The following ASAP1 variants were observed in gnomAD, a reference collection of about 807,000 sequenced individuals.
ASAP1 encodes arf-GAP with SH3 domain, ANK repeat and PH domain-containing protein 1.
Under a neutral mutation model 145.2 loss-of-function variants are expected in ASAP1, and 43 were observed. The ratio of observed to expected loss-of-function variants is 0.30; its 90% CI spans 0.23 to 0.38. The LOEUF is 0.38. Among genes scored for constraint, ASAP1 ranks in the 10% least tolerant of loss-of-function variants. ASAP1 has a pLI of 1.00. For missense variants in ASAP1, 1,018 were observed against 1,355.3 expected (o/e 0.75, Z 3.91); for synonymous variants, 546 against 515.5 (o/e 1.06, Z -0.80).
intron 17 of ASAP1, among the ~76,000 whole-genome samples, chr8:130,125,188 A>T (rs1220419137): frequency 6.6e-6 from 1 of 151,966 alleles, no homozygotes; most frequent in Non-Finnish European, 1.5e-5. Context: ...TAAAAATTTC[A>T]CTCTTAGTAC....
At chr8:130,305,881 A>T (rs1169346672) in intron 3 of ASAP1, among the ~76,000 whole-genome samples, 9 of 152,160 alleles carry the variant, frequency 5.9e-5, no homozygotes, top group Non-Finnish European at 2.9e-5. Context: ...TATCTTAAGG[A>T]TTAGTGCCAA....
chr8:130,369,284 T>C (rs562715821), intron 2 of ASAP1, among the ~76,000 whole-genome samples: 3 of 152,220 alleles, frequency 2.0e-5, no homozygotes, highest in Non-Finnish European at 4.4e-5. Context: ...TTATGTTACA[T>C]ATAAACCTTA....
intron 3 of ASAP1, among the ~76,000 whole-genome samples, chr8:130,353,682 C>T (rs1339256642): frequency 6.6e-6 from 1 of 152,122 alleles, no homozygotes; most frequent in Non-Finnish European, 1.5e-5. Flanking sequence ...CCAGCCTGGC[C>T]AACATGATGA....
chr8:130,317,197 G>C (rs369424190), intron 3 of ASAP1, among the ~76,000 whole-genome samples: 1 of 151,748 alleles, frequency 6.6e-6, no homozygotes, highest in African/African-American at 2.4e-5. Context: ...CAAAAGCTGT[G>C]AGTTTCTTCT....
At chr8:130,176,502 C>T (rs1419994644) in intron 9 of ASAP1, among the ~76,000 whole-genome samples, 1 of 152,114 alleles carries the variant, frequency 6.6e-6, no homozygotes, top group African/African-American at 2.4e-5. Flanking sequence ...TCTCTCCCTA[C>T]AAGGTTTTTA....
At chr8:130,085,750 A>AAAAAAAAAG (rs2097491499) in intron 25 of ASAP1, among the ~76,000 whole-genome samples, 1 of 151,614 alleles carries the variant, frequency 6.6e-6, no homozygotes, top group Non-Finnish European at 1.5e-5. Flanking sequence ...AAAAAAAAAA[A>AAAAAAAAAG]AAAAAGGAAA....
intron 1 of ASAP1, among the ~76,000 whole-genome samples, chr8:130,409,345 T>C (rs1024753911): frequency 6.6e-6 from 1 of 152,174 alleles, no homozygotes; most frequent in Non-Finnish European, 1.5e-5. Flanking sequence ...GTGGGGATTT[T>C]GTACTAATCG....
intron 9 of ASAP1, chr8:130,179,005 C>T: frequency 3.1e-6 from 1 of 320,624 alleles, no homozygotes; most frequent in East Asian, 5.9e-5. Context: ...CACAGGCGAT[C>T]AAATTTAGGA....
chr8:130,184,660 G>T (rs1238143194), intron 7 of ASAP1, among the ~76,000 whole-genome samples: 1 of 152,124 alleles, frequency 6.6e-6, no homozygotes. Flanking sequence ...CTGTTATTTG[G>T]GGTTTCCATT....
chr8:130,185,240 T>G (rs893046976), intron 7 of ASAP1, among the ~76,000 whole-genome samples: 1 of 152,210 alleles, frequency 6.6e-6, no homozygotes, highest in African/African-American at 2.4e-5. Context: ...AAAACCTGCC[T>G]TCATAAGGTC....
intron 2 of ASAP1, 27 bp downstream of exon 2, chr8:130,401,858 G>A: frequency 6.2e-7 from 1 of 1,607,198 alleles, no homozygotes; most frequent in Non-Finnish European, 8.5e-7. Context: ...CGAGTTTTCT[G>A]GACAGGATGG....
chr8:130,362,471 G>A (rs188406206), intron 2 of ASAP1, among the ~76,000 whole-genome samples: 1 of 152,302 alleles, frequency 6.6e-6, no homozygotes, highest in Admixed American at 6.5e-5. Context: ...AGATTATTGT[G>A]TGAAATAAAA....
intron 24 of ASAP1, among the ~76,000 whole-genome samples, chr8:130,105,087 T>C (rs1483962509): frequency 6.6e-6 from 1 of 152,190 alleles, no homozygotes; most frequent in Non-Finnish European, 1.5e-5. Context: ...TTATTATGTA[T>C]AACATATTGT....
intron 2 of ASAP1, among the ~76,000 whole-genome samples, chr8:130,365,763 C>T (rs1296224309): frequency 1.3e-5 from 2 of 151,860 alleles, no homozygotes; most frequent in African/African-American, 4.8e-5. Context: ...CTATTATGGC[C>T]CCAAAGTGCC....
chr8:130,247,210 A>G (rs985863886), intron 3 of ASAP1, among the ~76,000 whole-genome samples: 1 of 147,064 alleles, frequency 6.8e-6, no homozygotes. Context: ...CCTTTCCCCA[A>G]TGGTCCTCAG....
chr8:130,307,712 C>A (rs1432723720), intron 3 of ASAP1, among the ~76,000 whole-genome samples: 1 of 152,204 alleles, frequency 6.6e-6, no homozygotes, highest in Non-Finnish European at 1.5e-5. Context: ...TAAGCACCTC[C>A]ATTTCCCAAT....
At chr8:130,086,264 G>GA (rs1315424116) in intron 25 of ASAP1, among the ~76,000 whole-genome samples, 1 of 152,226 alleles carries the variant, frequency 6.6e-6, no homozygotes. Context: ...CTAGCTGTGA[G>GA]AAACAGTGTA....
At chr8:130,321,886 A>G (rs1382658191) in intron 3 of ASAP1, among the ~76,000 whole-genome samples, 1 of 152,248 alleles carries the variant, frequency 6.6e-6, no homozygotes, top group Non-Finnish European at 1.5e-5. Flanking sequence ...TTAATTTTCT[A>G]TGATAAAATG....
intron 11 of ASAP1, among the ~76,000 whole-genome samples, chr8:130,167,289 C>G (rs1283204341): frequency 6.9e-6 from 1 of 145,948 alleles, no homozygotes; most frequent in Non-Finnish European, 1.5e-5. Context: ...GAGTGAGACC[C>G]TGTCTCAAAA....
Sources: allele counts gnomAD v4.1 joint callset (sites outside exome capture counted in the v4.1 genomes callset), GRCh38; gene constraint gnomAD v4.1.1; transcripts MANE v1.5; gene names NCBI Gene and HGNC (gene_info 2026-07-23, HGNC 2026-07-21).